HS3ST2: variants seen among roughly 807,000 people sequenced by gnomAD.
The protein encoded by HS3ST2 is heparan sulfate glucosamine 3-O-sulfotransferase 2.
HS3ST2 carries 17 observed loss-of-function variants against 26.3 expected under a neutral mutation model. The observed-to-expected ratio is 0.65, with a 90% CI of 0.44 to 0.97. HS3ST2 has a LOEUF of 0.97. Among genes scored for constraint, HS3ST2 ranks in the 50% least tolerant of loss-of-function variants. HS3ST2 has a pLI of 0.00. For synonymous variants in HS3ST2, 237 were observed against 219.2 expected (o/e 1.08, Z -0.72); for missense variants, 402 against 501.2 (o/e 0.80, Z 1.89).
At chr16:22,844,045 A>G (rs1029109042) in intron 1 of HS3ST2, among the ~76,000 whole-genome samples, 32 of 152,146 alleles carry the variant, frequency 2.1e-4, no homozygotes, top group African/African-American at 7.2e-4. Flanking sequence ...ACGCACACAC[A>G]CACATATCAT....
At chr16:22,835,138 G>A (rs566742149) in intron 1 of HS3ST2, among the ~76,000 whole-genome samples, 7 of 151,892 alleles carry the variant, frequency 4.6e-5, no homozygotes, top group Admixed American at 2.0e-4. Flanking sequence ...TTATGTATTC[G>A]ATTATCAACA....
At chr16:22,905,541 C>T (rs1295606028) in intron 1 of HS3ST2, among the ~76,000 whole-genome samples, 1 of 151,644 alleles carries the variant, frequency 6.6e-6, no homozygotes, top group Non-Finnish European at 1.5e-5. Context: ...TTCACCAGTA[C>T]AAACAATATG....
chr16:22,820,129 C>T (rs780487539), intron 1 of HS3ST2, among the ~76,000 whole-genome samples: 83 of 152,272 alleles, frequency 5.5e-4, no homozygotes, highest in Middle Eastern at 6.8e-3. Flanking sequence ...TCCAGGCGAA[C>T]GTCACACAGT....
chr16:22,814,854 G>A lies in HS3ST2; in HGVS notation c.244G>A (p.Glu82Lys), dbSNP rs1171991847. 9 of 1,562,588 alleles carry A rather than the reference G, an allele frequency of 5.8e-6. No individual in the cohort carries two copies. Among genetic ancestry groups the A allele is most frequent in the Non-Finnish European group, 7.8e-6 (9 of 1,154,382 alleles). Residue 82 changes from glutamate (E) to lysine (K), a missense_variant, in exon 1 of 2, where the codon GAG (glutamate) becomes AAG (lysine). Physicochemically the swap from Glu to Lys is moderately conservative, Grantham distance 56 (BLOSUM62 1). Around this residue, in one of 2 missense-constraint regions of HS3ST2, gnomAD observed 165 missense variants for 154.6 expected, o/e 1.07. Transcript: ENST00000261374. ...PCDPSGPTPS[E>K]PSAPSAPAAA... ...TGATCCCTCCGGGCCGACGCCCAGC[G>A]AGCCCAGCGCTCCCAGCGCGCCCGC...
intron 1 of HS3ST2, among the ~76,000 whole-genome samples, chr16:22,877,007 A>C (rs1312677419): frequency 6.6e-6 from 1 of 152,320 alleles, no homozygotes; most frequent in East Asian, 1.9e-4. Context: ...GAGAGATAAA[A>C]GACTACACAT....
At position 22,866,369 on chromosome 16, in the gene HS3ST2, CGTGTGTGT is replaced by C. The variant is rs55757233; in HGVS notation, c.486-48544_486-48537del. ...CTAACCAATTTGACAATATGGTGTG[CGTGTGTGT>C]GTGTGTGTGTGTGTGTGTGTGTGTG... On this transcript the variant is annotated intron_variant, in intron 1 of 1. Transcript: ENST00000261374. Among the ~76,000 whole-genome samples, 674 of 143,818 alleles carry C rather than the reference CGTGTGTGT, an allele frequency of 4.7e-3. 5 individuals carry two copies. The highest frequency in any genetic ancestry group is 0.011 in the Middle Eastern group (3 of 282). 94.4% of individuals were successfully genotyped at this position (143,818 alleles called of 152,430 possible).
At chr16:22,837,556 T>C (rs1596609300) in intron 1 of HS3ST2, among the ~76,000 whole-genome samples, 2 of 138,280 alleles carry the variant, frequency 1.4e-5, no homozygotes, top group South Asian at 2.2e-4. Flanking sequence ...TATATATATG[T>C]ATATATATAC....
At chr16:22,836,359 A>G (rs1901254253) in intron 1 of HS3ST2, among the ~76,000 whole-genome samples, 1 of 152,188 alleles carries the variant, frequency 6.6e-6, no homozygotes, top group Admixed American at 6.5e-5. Context: ...TGCAGACTGT[A>G]CAGGAAGCAC....
intron 1 of HS3ST2, among the ~76,000 whole-genome samples, chr16:22,829,515 TA>T (rs1365526308): frequency 6.6e-6 from 1 of 152,196 alleles, no homozygotes; most frequent in East Asian, 1.9e-4. Context: ...TATGGCATTT[TA>T]AAGAAAGTGA....
chr16:22,844,410 G>T (rs527816299), intron 1 of HS3ST2, among the ~76,000 whole-genome samples: 1 of 152,044 alleles, frequency 6.6e-6, no homozygotes. Context: ...CCTTCCCCAG[G>T]GTGGCAACCT....
intron 1 of HS3ST2, among the ~76,000 whole-genome samples, chr16:22,881,183 G>A (rs907610839): frequency 6.6e-6 from 1 of 152,184 alleles, no homozygotes; most frequent in Non-Finnish European, 1.5e-5. Context: ...AATAATCACA[G>A]CACATGTCTT....
intron 1 of HS3ST2, among the ~76,000 whole-genome samples, chr16:22,845,143 T>C (rs1901413643): frequency 6.9e-6 from 1 of 145,758 alleles, no homozygotes; most frequent in African/African-American, 2.7e-5. Flanking sequence ...CGTGAGCCAC[T>C]GCGCCTGGCC....
At chr16:22,880,246 C>G (rs1901969159) in intron 1 of HS3ST2, among the ~76,000 whole-genome samples, 1 of 152,036 alleles carries the variant, frequency 6.6e-6, no homozygotes, top group Non-Finnish European at 1.5e-5. Flanking sequence ...TAGCAAGACC[C>G]TATCTCTAAA....
At chr16:22,858,406 G>T (rs1901630295) in intron 1 of HS3ST2, among the ~76,000 whole-genome samples, 1 of 151,570 alleles carries the variant, frequency 6.6e-6, no homozygotes, top group South Asian at 2.1e-4. Context: ...TGCATGTTTT[G>T]TTTGTGATGT....
rs540762948 is a variant in HS3ST2, at chr16:22,903,260, A to C, written c.486-11684A>C. ...CTGTGTCCTAGTTTCCTCAGTACAA[A>C]AACTGGAATAGCATGAGTTCCTACT... On this transcript the variant is annotated intron_variant, in intron 1 of 1. Transcript: ENST00000261374. Among the ~76,000 whole-genome samples the C allele has an allele frequency of 2.0e-5, 3 of 152,334 alleles. No homozygotes were observed. In the South Asian group the frequency reaches 6.2e-4, roughly 32 times the overall value.
intron 1 of HS3ST2, among the ~76,000 whole-genome samples, chr16:22,841,178 C>G (rs1901350004): frequency 6.6e-6 from 1 of 152,168 alleles, no homozygotes; most frequent in Non-Finnish European, 1.5e-5. Context: ...TCTCCTGCCT[C>G]AGCCTCCTGA....
At chr16:22,818,997 TCCTCCCTC>T (rs1440553158) in intron 1 of HS3ST2, among the ~76,000 whole-genome samples, 1 of 28,870 alleles carries the variant, frequency 3.5e-5, no homozygotes, top group Non-Finnish European at 8.2e-5. Flanking sequence ...CCTCCTTCCT[TCCTCCCTC>T]CCTCCCTCCC....
intron 1 of HS3ST2, among the ~76,000 whole-genome samples, chr16:22,837,481 C>CTGTG (rs753322383): frequency 8.2e-6 from 1 of 121,968 alleles, no homozygotes; most frequent in Non-Finnish European, 1.6e-5. Flanking sequence ...TGTTTTTTTC[C>CTGTG]TATGTGTGTG....
intron 1 of HS3ST2, among the ~76,000 whole-genome samples, chr16:22,819,636 A>G (rs564967048): frequency 1.9e-4 from 29 of 152,282 alleles, no homozygotes; most frequent in Middle Eastern, 6.8e-3. Flanking sequence ...CTGGTGTCCA[A>G]ATTTTGATAG....
Sources: allele counts gnomAD v4.1 joint callset (sites outside exome capture counted in the v4.1 genomes callset), GRCh38; gene constraint gnomAD v4.1.1; regional missense constraint gnomAD v4.1.1; transcripts MANE v1.5; gene names NCBI Gene and HGNC (gene_info 2026-07-23, HGNC 2026-07-21).